CT47C1: variants seen among roughly 807,000 people sequenced by gnomAD.
CT47C1 encodes cancer/testis antigen family 47 member A11 pseudogene.
the CT47C1 span, chrX:119,073,586 A>T: frequency 3.7e-6 from 2 of 535,661 alleles, no homozygotes; most frequent in Non-Finnish European, 6.7e-6. Flanking sequence ...TCGCTACCCC[A>T]TAAGAGGCTT....
the CT47C1 span, chrX:119,073,412 G>T: frequency 1.9e-6 from 1 of 525,700 alleles, no homozygotes; most frequent in Admixed American, 2.5e-5. Context: ...TGAGCAGGCG[G>T]CAGGCTTGGC....
chrX:119,073,390 G>T, the CT47C1 span: 2 of 533,666 alleles, frequency 3.7e-6, no homozygotes, highest in Admixed American at 2.4e-5. Flanking sequence ...GAGGCCTCGG[G>T]GAGGAGGAGG....
chrX:119,075,291 C>T, the CT47C1 span, among the ~76,000 whole-genome samples: 1 of 112,614 alleles, frequency 8.9e-6, no homozygotes, highest in Admixed American at 9.4e-5. Flanking sequence ...ATATGAACTG[C>T]AGTGTGTTCT....
the CT47C1 span, chrX:119,073,704 C>G: frequency 7.3e-6 from 5 of 688,881 alleles, no homozygotes; most frequent in Non-Finnish European, 1.1e-5. Context: ...AGGCGCCGCA[C>G]TGCGGCGCCC....
the CT47C1 span, chrX:119,073,904 C>A: frequency 3.6e-6 from 3 of 837,324 alleles, no homozygotes; most frequent in Admixed American, 4.7e-5. Context: ...CTCAGAGAAG[C>A]CCACAGAGGA....
the CT47C1 span, among the ~76,000 whole-genome samples, chrX:119,075,731 C>CTTTTTTT: frequency 1.1e-3 from 95 of 86,847 alleles, no homozygotes; most frequent in East Asian, 1.8e-3. Context: ...TTTCTTTTTT[C>CTTTTTTT]TTTTTTTTTT....
the CT47C1 span, chrX:119,073,421 G>A: frequency 3.6e-3 from 1,900 of 520,857 alleles, 24 homozygotes; most frequent in African/African-American, 0.036. Flanking sequence ...GGCAGGCTTG[G>A]CCGCAGCCCC....
At chrX:119,075,667 T>C in the CT47C1 span, among the ~76,000 whole-genome samples, 5 of 112,042 alleles carry the variant, frequency 4.5e-5, no homozygotes. Context: ...AGAATGTGTG[T>C]AATTAAGTCT....
At chrX:119,073,176 G>A in the CT47C1 span, 60 of 456,357 alleles carry the variant, frequency 1.3e-4, no homozygotes, top group African/African-American at 8.5e-4. Flanking sequence ...CGTCTTCACC[G>A]TTGTCACCTC....
At chrX:119,076,422 C>T in the CT47C1 span, 3 of 112,603 alleles carry the variant, frequency 2.7e-5, no homozygotes, top group African/African-American at 9.7e-5. Context: ...TGACTCAAAT[C>T]TCTCTTTTAC....
At chrX:119,074,532 C>T in the CT47C1 span, among the ~76,000 whole-genome samples, 1 of 111,251 alleles carries the variant, frequency 9.0e-6, no homozygotes. Flanking sequence ...TGAAGTGATA[C>T]AGGGGCCCTT....
chrX:119,074,022 C>T, the CT47C1 span: 4 of 596,064 alleles, frequency 6.7e-6, no homozygotes, highest in East Asian at 3.2e-5. Flanking sequence ...GAGGAACCGG[C>T]TGCAGAGGAG....
chrX:119,075,015 CAAGGAAGAG>C, the CT47C1 span: 3 of 1,082,771 alleles, frequency 2.8e-6, no homozygotes, highest in East Asian at 9.0e-5. Context: ...ATGCTGCAGG[CAAGGAAGAG>C]AAAGAAGAGA....
At chrX:119,074,927 T>C in the CT47C1 span, 3 of 1,013,327 alleles carry the variant, frequency 3.0e-6, no homozygotes, top group East Asian at 9.2e-5. Context: ...TGTGAATGTC[T>C]GGTCCCAACA....
the CT47C1 span, chrX:119,073,575 G>T: frequency 3.8e-6 from 2 of 529,164 alleles, no homozygotes; most frequent in Non-Finnish European, 6.8e-6. Flanking sequence ...GCGGCCGCCC[G>T]TCGCTACCCC....
the CT47C1 span, chrX:119,075,026 A>G: frequency 1.9e-5 from 21 of 1,087,414 alleles, no homozygotes; most frequent in Middle Eastern, 2.4e-4. Flanking sequence ...AAGGAAGAGA[A>G]AGAAGAGAAA....
chrX:119,073,533 A>T, the CT47C1 span: 1 of 517,938 alleles, frequency 1.9e-6, no homozygotes, highest in Non-Finnish European at 3.5e-6. Flanking sequence ...GAGGAGGAAG[A>T]GAGGAACGAG....
chrX:119,075,083 C>A, the CT47C1 span: 4 of 1,084,683 alleles, frequency 3.7e-6, no homozygotes, highest in South Asian at 1.8e-5. Flanking sequence ...GGGACCTAGA[C>A]GCAGCAGAGG....
the CT47C1 span, among the ~76,000 whole-genome samples, chrX:119,074,628 C>A: frequency 9.0e-6 from 1 of 111,507 alleles, no homozygotes; most frequent in Non-Finnish European, 1.9e-5. Context: ...ATTTTCCCAG[C>A]AAAGTTCTGA....
Sources: allele counts gnomAD v4.1 joint callset (sites outside exome capture counted in the v4.1 genomes callset), GRCh38; gene constraint gnomAD v4.1.1; transcripts MANE v1.5; gene names NCBI Gene and HGNC (gene_info 2026-07-23, HGNC 2026-07-21).